Variants in SCAMP4 observed in about 807,000 individuals in gnomAD.
The protein encoded by SCAMP4 is secretory carrier membrane protein 4.
Under a neutral mutation model 32.1 loss-of-function variants are expected in SCAMP4, and 19 were observed. That is an observed-to-expected ratio of 0.59 (90% CI 0.41 to 0.87). The LOEUF (loss-of-function observed/expected upper bound fraction) is 0.87, where lower values mean the gene tolerates loss of function less well. Among genes scored for constraint, SCAMP4 ranks in the 40% least tolerant of loss-of-function variants. The pLI, the probability that SCAMP4 is intolerant of heterozygous loss-of-function variation, is 0.00. For missense variants in SCAMP4, 302 were observed against 309.0 expected (o/e 0.98, Z 0.17); for synonymous variants, 152 against 132.7 (o/e 1.15, Z -1.00).
intron 1 of SCAMP4, among the ~76,000 whole-genome samples, chr19:1,910,016 G>A (rs1800828587): frequency 2.0e-5 from 3 of 152,212 alleles, no homozygotes; most frequent in Non-Finnish European, 2.9e-5. Flanking sequence ...GCTGTGTGCT[G>A]TTCTGGGAGG....
intron 6 of SCAMP4, 133 bp downstream of exon 6, chr19:1,923,320 C>A: frequency 1.4e-6 from 1 of 734,224 alleles, no homozygotes; most frequent in Non-Finnish European, 2.1e-6. Context: ...CACTTCATCC[C>A]CAGCAGTGAG....
chr19:1,924,159 G>C lies in SCAMP4; in HGVS notation c.565G>C (p.Glu189Gln). ...AGGSFQKAQTEWNTGTWRNPP... is the reference protein window; with the variant it reads ...AGGSFQKAQTQWNTGTWRNPP... Reference sequence around the variant, plus strand: ...CGGAAGCTTCCAGAAGGCACAGACGGAGTGGAACACGGGCACTTGGCGGAA... The same window carrying C: ...CGGAAGCTTCCAGAAGGCACAGACGCAGTGGAACACGGGCACTTGGCGGAA... Residue 189 changes from glutamate to glutamine, a missense_variant, in exon 7 of 7, where the codon GAG becomes CAG. Glu to Gln is a conservative substitution (Grantham distance 29). Coordinates refer to ENST00000316097, the MANE Select transcript of SCAMP4 (RefSeq NM_079834.4). 1.2e-6 allele frequency: 2 copies of C among 1,612,000 alleles called. No homozygotes were observed. The highest frequency in any genetic ancestry group is 1.7e-6 in the Non-Finnish European group (2 of 1,179,142).
At chr19:1,923,683 A>G (rs1325481495) in intron 6 of SCAMP4, among the ~76,000 whole-genome samples, 1 of 124,810 alleles carries the variant, frequency 8.0e-6, no homozygotes, top group Non-Finnish European at 1.6e-5. Context: ...TAGTGGTGCG[A>G]TCTCTGCTCA....
chr19:1,905,759 C>A (rs576504802), intron 1 of SCAMP4: 2 of 152,384 alleles, frequency 1.3e-5, no homozygotes, highest in Non-Finnish European at 2.9e-5. Context: ...CAGCTGCTTC[C>A]GGTGGCCCTT....
At chr19:1,919,911 G>A (rs553139354) in intron 5 of SCAMP4, among the ~76,000 whole-genome samples, 1 of 151,650 alleles carries the variant, frequency 6.6e-6, no homozygotes, top group South Asian at 2.1e-4. Flanking sequence ...CCAGGTTCAA[G>A]CGATTCTCCT....
chr19:1,923,204 G>C lies in SCAMP4; in HGVS notation c.513+17G>C. 1 of 1,540,144 alleles carries C rather than the reference G, an allele frequency of 6.5e-7. No individual in the cohort carries two copies. The highest frequency in any genetic ancestry group is 8.8e-7 in the Non-Finnish European group (1 of 1,139,334). On this transcript the variant is annotated intron_variant, in intron 6 of 6. Coordinates refer to ENST00000316097, the MANE Select transcript of SCAMP4 (RefSeq NM_079834.4). Reference sequence around the variant, plus strand: ...ATCATGAAGGTGAGTCCTCGGCTTTGTGACGTCCAGCCCTTACCCCTTCTC... The same window carrying C: ...ATCATGAAGGTGAGTCCTCGGCTTTCTGACGTCCAGCCCTTACCCCTTCTC...
chr19:1,907,755 G>A (rs1206154529), intron 1 of SCAMP4, among the ~76,000 whole-genome samples: 1 of 152,182 alleles, frequency 6.6e-6, no homozygotes, highest in Non-Finnish European at 1.5e-5. Context: ...AGGGGTCCCA[G>A]TGGTCGGTCG....
chr19:1,913,727 A>G (rs2013624626), intron 1 of SCAMP4, among the ~76,000 whole-genome samples: 1 of 152,214 alleles, frequency 6.6e-6, no homozygotes, highest in Admixed American at 6.5e-5. Context: ...CGTGTCCTTC[A>G]CAAGTGGCAA....
chr19:1,913,326 G>A (rs1254128911), intron 1 of SCAMP4: 12 of 970,090 alleles, frequency 1.2e-5, no homozygotes, highest in Non-Finnish European at 1.3e-5. Flanking sequence ...TCCTGGACTC[G>A]GTCATTGGGG....
intron 2 of SCAMP4, chr19:1,915,362 T>G (rs2013697639): frequency 7.7e-4 from 305 of 397,094 alleles, no homozygotes; most frequent in East Asian, 1.3e-3. Context: ...ACTGGCAGCC[T>G]TCCCCAGTGG....
intron 1 of SCAMP4, chr19:1,913,570 G>GTCT (rs1448796562): frequency 5.0e-6 from 1 of 201,138 alleles, no homozygotes; most frequent in East Asian, 1.5e-4. Context: ...AGAGACCTGG[G>GTCT]CTGATTCTGG....
rs754448917 is a variant in SCAMP4 at position 1,912,598 on chromosome 19, A to G, written c.-41-2381A>G. Reference sequence around the variant, plus strand: ...CTGGCTGGGCGGCTCTTCTCCACGCAGGAGCGCGCCGCCATGCAGAGCCAC... The same window carrying G: ...CTGGCTGGGCGGCTCTTCTCCACGCGGGAGCGCGCCGCCATGCAGAGCCAC... On this transcript the variant is annotated intron_variant, in intron 1 of 6. Transcript: ENST00000316097. 257 of 1,489,132 alleles carry G rather than the reference A, an allele frequency of 1.7e-4. No homozygotes were observed. Among genetic ancestry groups the G allele is most frequent in the Non-Finnish European group, 2.1e-4 (242 of 1,126,242 alleles). 92.2% of individuals were successfully genotyped at this position (1,489,132 alleles called of 1,614,324 possible).
Position 1,924,091 on chromosome 19 carries a change from G to A in SCAMP4, c.514-17G>A, listed in dbSNP as rs757896338. ...CTCATTTTCTGTCTTCTGCCTCCCTGTCCTCTGTCCTTGCAGGTGCACAGG... is the reference window on the plus strand; with the variant it reads ...CTCATTTTCTGTCTTCTGCCTCCCTATCCTCTGTCCTTGCAGGTGCACAGG... On this transcript the variant is annotated splice_polypyrimidine_tract_variant and intron_variant, in intron 6 of 6. Transcript: ENST00000316097. The A allele has an allele frequency of 1.3e-6, 2 of 1,581,408 alleles. No homozygotes were observed. Among genetic ancestry groups the A allele is most frequent in the Non-Finnish European group, 1.7e-6 (2 of 1,170,976 alleles).
At chr19:1,913,334 G>T (rs139706582) in intron 1 of SCAMP4, 2 of 911,020 alleles carry the variant, frequency 2.2e-6, no homozygotes, top group Non-Finnish European at 3.2e-6. Context: ...TCGGTCATTG[G>T]GGCCACCCCG....
intron 2 of SCAMP4, chr19:1,915,527 T>C (rs2013703562): frequency 5.7e-6 from 1 of 175,848 alleles, no homozygotes; most frequent in African/African-American, 2.4e-5. Flanking sequence ...TGTGTTCCCA[T>C]CTTGATCCCT....
chr19:1,913,199 G>A (rs1187826787), intron 1 of SCAMP4: 7 of 1,466,278 alleles, frequency 4.8e-6, no homozygotes, highest in Admixed American at 5.0e-5. Context: ...GCCGTGGGGC[G>A]CCCCTCCTGG....
At chr19:1,909,404 AC>A (rs995794857) in intron 1 of SCAMP4, among the ~76,000 whole-genome samples, 2 of 152,092 alleles carry the variant, frequency 1.3e-5, no homozygotes, top group African/African-American at 4.8e-5. Context: ...TGGGGGCCCC[AC>A]CAGCCCTTCC....
At position 1,925,645 on chromosome 19, in the gene SCAMP4, C is replaced by G. The variant is rs2014074489; in HGVS notation, c.*1361C>G. 6.5e-6 allele frequency: 1 copy of G among 152,880 alleles called. No homozygotes were observed. Among genetic ancestry groups the G allele is most frequent in the South Asian group, 2.1e-4 (1 of 4,836 alleles). The allele number at this position is 152,880 out of a possible 1,614,324, so 9.5% of individuals were successfully genotyped here. On this transcript the variant is annotated 3_prime_UTR_variant, in exon 7 of 7. Coordinates refer to ENST00000316097, the MANE Select transcript of SCAMP4 (RefSeq NM_079834.4). ...CCACCCCTCCCCACCCGTTCACCCC[C>G]AGGATGCTGTTGCTGTAGGACGCCT... is the stretch of plus-strand genomic sequence containing the variant.
chr19:1,908,916 C>T lies in SCAMP4; in HGVS notation c.-42+3477C>T, dbSNP rs561528493. Among the ~76,000 whole-genome samples the T allele has an allele frequency of 2.0e-5, 3 of 152,042 alleles. No homozygotes were observed. The highest frequency in any genetic ancestry group is 2.0e-4 in the Admixed American group (3 of 15,252). ...GTCAGGAGTTCCAAGACCAGCCTGG[C>T]CAACATGGTGGAACCCCGTCTCTAC... On this transcript the variant is annotated intron_variant, in intron 1 of 6. Coordinates refer to ENST00000316097, the MANE Select transcript of SCAMP4 (RefSeq NM_079834.4). The surrounding 1 kb of genome is among the most constrained non-coding windows in gnomAD (Gnocchi z 4.2).
Sources: allele counts gnomAD v4.1 joint callset (sites outside exome capture counted in the v4.1 genomes callset), GRCh38; gene constraint gnomAD v4.1.1; non-coding constraint Gnocchi (gnomAD v3.1); transcripts MANE v1.5; gene names NCBI Gene and HGNC (gene_info 2026-07-23, HGNC 2026-07-21).